The following ARIH1 variants were observed in gnomAD, a reference collection of about 807,000 sequenced individuals.
ARIH1 encodes ariadne RBR E3 ubiquitin protein ligase 1, also known as E3 ubiquitin-protein ligase ARIH1.
Under a neutral mutation model 85.0 loss-of-function variants are expected in ARIH1, and 8 were observed. That is an observed-to-expected ratio of 0.09 (90% CI 0.06 to 0.17). The LOEUF (loss-of-function observed/expected upper bound fraction) is 0.17. Among genes scored for constraint, ARIH1 ranks in the 10% least tolerant of loss-of-function variants. The probability of loss-of-function intolerance (pLI) is 1.00; values close to 1 mark genes in which losing one functional copy is unlikely to be tolerated. For missense variants in ARIH1, 311 were observed against 718.1 expected (o/e 0.43, Z 6.48); for synonymous variants, 238 against 253.6 (o/e 0.94, Z 0.59).
intron 1 of ARIH1, among the ~76,000 whole-genome samples, chr15:72,505,491 C>A (rs1054018800): frequency 7.9e-5 from 12 of 151,660 alleles, no homozygotes; most frequent in African/African-American, 2.9e-4. Context: ...TAGGCAGTCT[C>A]CTCTTGAAAA....
chr15:72,478,676 A>T (rs572839023), intron 1 of ARIH1, among the ~76,000 whole-genome samples: 1 of 152,296 alleles, frequency 6.6e-6, no homozygotes, highest in South Asian at 2.1e-4. Flanking sequence ...TCATTAATGA[A>T]GTCTGAGGTG....
intron 3 of ARIH1, among the ~76,000 whole-genome samples, chr15:72,545,946 A>C (rs954963281): frequency 6.6e-6 from 1 of 152,248 alleles, no homozygotes; most frequent in Non-Finnish European, 1.5e-5. Flanking sequence ...TGATAATTAC[A>C]ACTGTCTTGT....
intron 1 of ARIH1, among the ~76,000 whole-genome samples, chr15:72,509,317 C>A (rs909264371): frequency 1.3e-5 from 2 of 152,126 alleles, no homozygotes; most frequent in African/African-American, 4.8e-5. Flanking sequence ...AAGAACTTCA[C>A]TACAGGTGCT....
At chr15:72,479,215 G>A (rs376108864) in intron 1 of ARIH1, among the ~76,000 whole-genome samples, 1 of 152,134 alleles carries the variant, frequency 6.6e-6, no homozygotes, top group East Asian at 1.9e-4. Flanking sequence ...TTGATTGTAA[G>A]TATAATTAAA....
At chr15:72,562,409 A>G (rs935528405) in intron 6 of ARIH1, among the ~76,000 whole-genome samples, 1 of 152,202 alleles carries the variant, frequency 6.6e-6, no homozygotes, top group Non-Finnish European at 1.5e-5. Context: ...TTTTAATTCT[A>G]GAAAGTAATT....
At chr15:72,534,952 C>T (rs2064074497) in intron 2 of ARIH1, among the ~76,000 whole-genome samples, 1 of 54,636 alleles carries the variant, frequency 1.8e-5, no homozygotes, top group Non-Finnish European at 9.6e-5. Context: ...TTCTTATTGT[C>T]TGTATTCTTT....
chr15:72,602,078 T>C lies in ARIH1; in HGVS notation c.*18786T>C, dbSNP rs1484802721. ...CATATAATATGGACTTATAATTTATTTAACCTCTATCTAGGTTGGTTTTAG... is the reference window on the plus strand; with the variant it reads ...CATATAATATGGACTTATAATTTATCTAACCTCTATCTAGGTTGGTTTTAG... On this transcript the variant is annotated 3_prime_UTR_variant, in exon 14 of 14. Transcript: ENST00000379887. 3 of 152,240 alleles carry C rather than the reference T, an allele frequency of 2.0e-5. No homozygotes were observed. Among genetic ancestry groups the C allele is most frequent in the Non-Finnish European group, 4.4e-5 (3 of 68,046 alleles). The allele number at this position is 152,240 out of a possible 1,614,324, so 9.4% of individuals were successfully genotyped here.
rs1190339751 is a variant in ARIH1 at position 72,584,500 on chromosome 15, T to G, written c.*1208T>G. On this transcript the variant is annotated 3_prime_UTR_variant, in exon 14 of 14. Coordinates refer to ENST00000379887, the MANE Select transcript of ARIH1 (RefSeq NM_005744.5). ...TCGTCTGCTCACCCCTTCTCTACAT[T>G]AGGGTGTCAAAGAGAATGTTTTGCT... 1 of 152,154 alleles carries G rather than the reference T, an allele frequency of 6.6e-6. No homozygotes were observed. Among genetic ancestry groups the G allele is most frequent in the Non-Finnish European group, 1.5e-5 (1 of 68,030 alleles). The allele number at this position is 152,154 out of a possible 1,614,324, so 9.4% of individuals were successfully genotyped here.
intron 1 of ARIH1, among the ~76,000 whole-genome samples, chr15:72,478,393 A>G (rs968480914): frequency 6.6e-6 from 1 of 152,222 alleles, no homozygotes; most frequent in African/African-American, 2.4e-5. Context: ...CTGGGATTAC[A>G]GTCTTGAGCC....
chr15:72,541,430 G>A, intron 2 of ARIH1, among the ~76,000 whole-genome samples: 1 of 152,178 alleles, frequency 6.6e-6, no homozygotes, highest in African/African-American at 2.4e-5. Context: ...TAAATTAAAA[G>A]ATACTTTGTT....
intron 3 of ARIH1, among the ~76,000 whole-genome samples, chr15:72,548,845 T>C (rs2064140861): frequency 6.6e-6 from 1 of 152,208 alleles, no homozygotes; most frequent in African/African-American, 2.4e-5. Context: ...AAGCAATTTT[T>C]GCTTTATGCA....
Position 72,510,541 on chromosome 15 carries a change from G to A in ARIH1, c.376-7526G>A, listed in dbSNP as rs574756181. Among the ~76,000 whole-genome samples the A allele has an allele frequency of 1.2e-4, 18 of 151,590 alleles. No homozygotes were observed. The South Asian group carries it at 3.5e-3, about 30-fold the overall frequency. ...GGGTGGATCACGAGGTCAGGAGATC[G>A]AGACCATCCTGGCTAACATGGTGAA... On this transcript the variant is annotated intron_variant, in intron 1 of 13. Transcript: ENST00000379887.
At chr15:72,492,498 C>T (rs932156059) in intron 1 of ARIH1, among the ~76,000 whole-genome samples, 2 of 152,184 alleles carry the variant, frequency 1.3e-5, no homozygotes, top group Non-Finnish European at 2.9e-5. Flanking sequence ...AATATGTTTA[C>T]TTTTTAACCT....
At position 72,587,077 on chromosome 15, in the gene ARIH1, T is replaced by C; in HGVS notation, c.*3785T>C. 2 of 408,414 alleles carry C rather than the reference T, an allele frequency of 4.9e-6. No individual in the cohort carries two copies. The highest frequency in any genetic ancestry group is 2.1e-5 in the African/African-American group (1 of 47,356). 25.3% of individuals were successfully genotyped at this position (408,414 alleles called of 1,614,324 possible). A position where few individuals can be genotyped will look rare whatever the true frequency, so the allele number is the denominator to read the frequency against. On this transcript the variant is annotated 3_prime_UTR_variant, in exon 14 of 14. Coordinates refer to ENST00000379887, the MANE Select transcript of ARIH1 (RefSeq NM_005744.5). ...TTATTTGGATCTGTAATTATGGGAG[T>C]TTATCACTTTTCCTCTTCAAAGCAC...
At position 72,592,721 on chromosome 15, in the gene ARIH1, C is replaced by T. The variant is rs1393601251; in HGVS notation, c.*9429C>T. ...TTTCACTGATAATGCTTTAAAGACA[C>T]GCATACTGTATGTATTAGGACATTG... On this transcript the variant is annotated 3_prime_UTR_variant, in exon 14 of 14. Coordinates refer to ENST00000379887, the MANE Select transcript of ARIH1 (RefSeq NM_005744.5). 3.3e-5 allele frequency: 5 copies of T among 152,138 alleles called. No individual in the cohort carries two copies. The highest frequency in any genetic ancestry group is 2.1e-4 in the South Asian group (1 of 4,822). 9.4% of individuals were successfully genotyped at this position (152,138 alleles called of 1,614,324 possible).
intron 11 of ARIH1, among the ~76,000 whole-genome samples, chr15:72,578,432 C>G (rs1002667702): frequency 6.6e-6 from 1 of 152,030 alleles, no homozygotes; most frequent in Non-Finnish European, 1.5e-5. Flanking sequence ...GTTTACATTT[C>G]TCTCAATGTG....
intron 1 of ARIH1, among the ~76,000 whole-genome samples, chr15:72,517,787 T>A (rs962708696): frequency 1.3e-5 from 2 of 152,274 alleles, no homozygotes; most frequent in African/African-American, 4.8e-5. Context: ...TTTTTGCAAT[T>A]AAGACAGCGC....
intron 2 of ARIH1, among the ~76,000 whole-genome samples, chr15:72,527,228 C>G (rs72735166): frequency 0.034 from 5,194 of 152,254 alleles, 88 homozygotes; most frequent in Middle Eastern, 0.051. Context: ...ATGCCAAAAT[C>G]AGAATGTCAA....
intron 1 of ARIH1, among the ~76,000 whole-genome samples, chr15:72,497,647 A>G (rs2063885165): frequency 6.6e-6 from 1 of 152,200 alleles, no homozygotes; most frequent in Non-Finnish European, 1.5e-5. Context: ...TGAGTGCTAT[A>G]GGGATGGTGG....
Sources: allele counts gnomAD v4.1 joint callset (sites outside exome capture counted in the v4.1 genomes callset), GRCh38; gene constraint gnomAD v4.1.1; transcripts MANE v1.5; gene names NCBI Gene and HGNC (gene_info 2026-07-23, HGNC 2026-07-21).